The following SYCP2 variants were observed in gnomAD, a reference collection of about 807,000 sequenced individuals.
The protein encoded by SYCP2 is synaptonemal complex protein 2.
In SYCP2, 55 loss-of-function variants were observed where a neutral mutation model predicts 211.3. That is an observed-to-expected ratio of 0.26 (90% CI 0.21 to 0.33). The LOEUF (loss-of-function observed/expected upper bound fraction) is 0.33. SYCP2 is among the 10% of genes least tolerant of loss of function. The probability of loss-of-function intolerance (pLI) is 1.00; values close to 1 mark genes in which losing one functional copy is unlikely to be tolerated. For missense variants in SYCP2, 1,731 were observed against 1,752.0 expected (o/e 0.99, Z 0.21); for synonymous variants, 570 against 555.2 (o/e 1.03, Z -0.37).
intron 2 of SYCP2, among the ~76,000 whole-genome samples, chr20:59,931,792 T>TACAC (rs145920091): frequency 7.3e-5 from 11 of 151,030 alleles, no homozygotes; most frequent in Non-Finnish European, 1.0e-4. Flanking sequence ...ATAATCAGGT[T>TACAC]ACACACACAC....
chr20:59,875,548 ATATT>A (rs1489358833), intron 33 of SYCP2, 79 bp from the exon 34 acceptor site: 1 of 1,077,084 alleles, frequency 9.3e-7, no homozygotes, highest in African/African-American at 1.6e-5. Context: ...TTATATTCAA[ATATT>A]TATTAAATGT....
At chr20:59,902,392 CAA>C (rs1874464230) in intron 15 of SYCP2, among the ~76,000 whole-genome samples, 2 of 152,026 alleles carry the variant, frequency 1.3e-5, no homozygotes, top group African/African-American at 4.8e-5. Context: ...TCCCTCCCTA[CAA>C]AAGTTACCAA....
intron 13 of SYCP2, chr20:59,912,137 A>C: frequency 2.4e-6 from 1 of 417,970 alleles, no homozygotes; most frequent in East Asian, 4.6e-5. Context: ...AATGGTCTTA[A>C]GGAAACACGA....
At chr20:59,886,946 G>T in intron 24 of SYCP2, 112 bp from the exon 25 acceptor site, 1 of 740,382 alleles carries the variant, frequency 1.4e-6, no homozygotes, top group Non-Finnish European at 2.1e-6. Flanking sequence ...CCTGCGGAGA[G>T]AAATAAAGAG....
rs1296797434 is a variant in SYCP2, at chr20:59,901,791, T to G, written c.1053A>C (p.Leu351=). The G allele has an allele frequency of 4.4e-6, 7 of 1,597,646 alleles. No homozygotes were observed. Among genetic ancestry groups the G allele is most frequent in the African/African-American group, 1.4e-5 (1 of 73,778 alleles). ...CTGTATTTTTCAGAATTATTGTCAG[T>G]AGCTTCTTTGATTCTCTCACTGTAT... ...YSIEVRESKK[L]LTIILKNTVK... Residue 351 remains leucine (L), a synonymous_variant, in exon 16 of 45, where the codon CTA becomes CTC. Coordinates refer to ENST00000357552, the MANE Select transcript of SYCP2 (RefSeq NM_014258.4).
At chr20:59,894,449 A>G (rs1200987785) in intron 20 of SYCP2, among the ~76,000 whole-genome samples, 1 of 152,046 alleles carries the variant, frequency 6.6e-6, no homozygotes, top group Non-Finnish European at 1.5e-5. Flanking sequence ...TTCTTTTAAT[A>G]TCTTCAACTC....
chr20:59,868,390 A>T, intron 38 of SYCP2, 23 bp downstream of exon 38: 3 of 1,592,800 alleles, frequency 1.9e-6, no homozygotes, highest in African/African-American at 1.4e-5. Flanking sequence ...CTGCATTTTG[A>T]TACAGGCTAC....
intron 43 of SYCP2, 63 bp from the exon 44 acceptor site, chr20:59,865,507 A>G: frequency 6.3e-7 from 1 of 1,576,378 alleles, no homozygotes; most frequent in East Asian, 2.2e-5. Context: ...AGCAAAGACA[A>G]AGTTACATTA....
intron 36 of SYCP2, 71 bp downstream of exon 36, chr20:59,869,727 G>T: frequency 1.3e-6 from 1 of 798,834 alleles, no homozygotes; most frequent in Non-Finnish European, 2.0e-6. Flanking sequence ...ACCACTAAAG[G>T]TCAGTAATCT....
intron 18 of SYCP2, among the ~76,000 whole-genome samples, chr20:59,898,350 A>G (rs1468276307): frequency 6.6e-6 from 1 of 152,234 alleles, no homozygotes; most frequent in Non-Finnish European, 1.5e-5. Context: ...CTGGATAAAG[A>G]AAATGTGGCA....
Position 59,931,979 on chromosome 20 carries a change from CT to C in SYCP2, c.-47+82del, listed in dbSNP as rs1360710881. 4 of 152,206 alleles carry C rather than the reference CT, an allele frequency of 2.6e-5. No homozygotes were observed. In the East Asian group the frequency reaches 7.7e-4, roughly 29 times the overall value. 9.4% of individuals were successfully genotyped at this position (152,206 alleles called of 1,614,324 possible). A position where few individuals can be genotyped will look rare whatever the true frequency, so the allele number is the denominator to read the frequency against. ...CTCATAAGGAAACAATTTAAAAGATCTTTAGGAACTACTACTATGTAACAGA... is the reference window on the plus strand; with the variant it reads ...CTCATAAGGAAACAATTTAAAAGATCTTAGGAACTACTACTATGTAACAGA... On this transcript the variant is annotated intron_variant, in intron 2 of 44. Transcript: ENST00000357552.
chr20:59,914,083 A>C, intron 11 of SYCP2, 26 bp downstream of exon 11: 2 of 1,578,574 alleles, frequency 1.3e-6, no homozygotes, highest in Non-Finnish European at 1.7e-6. Flanking sequence ...AAATTCACGA[A>C]TTTCTGTTAT....
At chr20:59,881,799 G>A in intron 28 of SYCP2, 146 bp downstream of exon 28, 1 of 550,896 alleles carries the variant, frequency 1.8e-6, no homozygotes. Flanking sequence ...ATATACGTAG[G>A]CTGGTTATCC....
intron 19 of SYCP2, 114 bp downstream of exon 19, chr20:59,896,311 TATCA>T: frequency 1.7e-6 from 1 of 581,336 alleles, no homozygotes; most frequent in Non-Finnish European, 3.0e-6. Context: ...GTTCATATTT[TATCA>T]ATTTTTATAC....
chr20:59,932,661 G>A (rs751701637), intron 1 of SYCP2, among the ~76,000 whole-genome samples: 1 of 152,162 alleles, frequency 6.6e-6, no homozygotes, highest in African/African-American at 2.4e-5. Flanking sequence ...GTGACAGAGC[G>A]AGACTCCGTC....
At chr20:59,890,717 TCAGAGCA>T (rs1482921631) in intron 24 of SYCP2, among the ~76,000 whole-genome samples, 3 of 151,004 alleles carry the variant, frequency 2.0e-5, no homozygotes, top group Non-Finnish European at 4.4e-5. Context: ...TTTTTAAAAA[TCAGAGCA>T]CAGCTTAGAA....
chr20:59,914,072 A>C, intron 11 of SYCP2, 37 bp downstream of exon 11: 2 of 1,575,602 alleles, frequency 1.3e-6, no homozygotes, highest in Non-Finnish European at 1.7e-6. Flanking sequence ...ATAATTTTTA[A>C]AAATTCACGA....
Position 59,892,105 on chromosome 20 carries a change from T to C in SYCP2, c.2249A>G (p.Asn750Ser). 1 of 1,612,284 alleles carries C rather than the reference T, an allele frequency of 6.2e-7. No individual in the cohort carries two copies. Among genetic ancestry groups the C allele is most frequent in the Non-Finnish European group, 8.5e-7 (1 of 1,178,970 alleles). ...RKKYILSKDV[N>S]TATCDKNPSA... is the part of the protein sequence containing the mutation. ...TGGATTTTTATCGCAAGTAGCAGTA[T>C]TCACATCTTTTGACAATATGTATTT... Residue 750 changes from asparagine to serine, a missense_variant, in exon 24 of 45, where the codon AAT (asparagine) becomes AGT (serine). Around this residue, in one of 3 missense-constraint regions of SYCP2, gnomAD observed 1,387 missense variants for 1,351.3 expected, o/e 1.03. Coordinates refer to ENST00000357552, the MANE Select transcript of SYCP2 (RefSeq NM_014258.4).
chr20:59,886,376 C>T (rs1162105167), intron 25 of SYCP2, among the ~76,000 whole-genome samples: 1 of 151,970 alleles, frequency 6.6e-6, no homozygotes, highest in African/African-American at 2.4e-5. Flanking sequence ...TTCTGTATTT[C>T]ATTAAGCAAT....
Sources: gnomAD v4.1 joint callset for allele counts (sites outside exome capture counted in the v4.1 genomes callset) on GRCh38, gnomAD v4.1.1 for gene constraint, gnomAD v4.1.1 regional missense constraint, MANE v1.5 for transcripts, NCBI Gene and HGNC (gene_info 2026-07-23, HGNC 2026-07-21) for gene names.